The following HYDIN variants were observed in gnomAD, a reference collection of about 807,000 sequenced individuals.
HYDIN encodes the protein axonemal central pair apparatus protein HYDIN.
HYDIN carries 132 observed loss-of-function variants against 403.9 expected under a neutral mutation model. The ratio of observed to expected loss-of-function variants is 0.33; its 90% CI spans 0.28 to 0.38. The LOEUF (loss-of-function observed/expected upper bound fraction) is 0.38, where lower values mean the gene tolerates loss of function less well. Among genes scored for constraint, HYDIN ranks in the 10% least tolerant of loss-of-function variants. HYDIN has a pLI of 1.00. For missense variants in HYDIN, 2,827 were observed against 5,009.5 expected (o/e 0.56, Z 13.15); for synonymous variants, 1,202 against 1,891.7 (o/e 0.64, Z 9.46).
rs202133666 is a variant in HYDIN, at chr16:70,833,952, G to C, written c.13614C>G (p.Pro4538=). The change falls in exon 79 of 86, where the codon CCC becomes CCG. Residue 4538 remains proline (P), a synonymous_variant. Transcript: ENST00000393567. ...GTGTGGCTTGCGTCTGATACACCACGGGTCCAAAGGGAATATGTTCCTGGT... is the reference window on the plus strand; with the variant it reads ...GTGTGGCTTGCGTCTGATACACCACCGGTCCAAAGGGAATATGTTCCTGGT... ...SLDQEHIPFG[P]VVYQTQATRR... 5.3e-3 allele frequency: 8,518 copies of C among 1,613,252 alleles called. 27 individuals are homozygous for C. The highest frequency in any genetic ancestry group is 6.2e-3 in the Non-Finnish European group (7,262 of 1,179,720).
intron 84 of HYDIN, among the ~76,000 whole-genome samples, chr16:70,812,393 G>T (rs113536828): frequency 0.01 from 1,531 of 152,230 alleles, 13 homozygotes; most frequent in Middle Eastern, 0.085. Context: ...GGAGGTTGAG[G>T]CATGAGAATC....
chr16:70,933,681 G>T (rs894633665), intron 45 of HYDIN: 3 of 154,828 alleles, frequency 1.9e-5, no homozygotes, highest in Non-Finnish European at 2.9e-5. Context: ...TCTATTCACA[G>T]TTCCCAGCAG....
chr16:71,037,405 G>T (rs889476984), intron 18 of HYDIN, among the ~76,000 whole-genome samples: 1 of 151,740 alleles, frequency 6.6e-6, no homozygotes, highest in Non-Finnish European at 1.5e-5. Flanking sequence ...GTTGTGACAG[G>T]CAGAATTCTA....
At chr16:71,052,474 AT>A (rs898201543) in intron 18 of HYDIN, among the ~76,000 whole-genome samples, 1 of 151,818 alleles carries the variant, frequency 6.6e-6, no homozygotes, top group African/African-American at 2.4e-5. Context: ...AGATAAAAAA[AT>A]AAACTTAGCT....
At position 70,803,170 on chromosome 16, in the gene HYDIN, T is replaced by TA. The variant is rs2034966830; in HGVS notation, c.*4409dup. 6.6e-6 allele frequency among the ~76,000 whole-genome samples: 1 copy of TA among 152,222 alleles called. No individual in the cohort carries two copies. Among genetic ancestry groups the TA allele is most frequent in the African/African-American group, 2.4e-5 (1 of 41,466 alleles). On this transcript the variant is annotated 3_prime_UTR_variant, in exon 86 of 86. Coordinates refer to ENST00000393567, the MANE Select transcript of HYDIN (RefSeq NM_001270974.2). Reference sequence around the variant, plus strand: ...TTCAAACAATAAGGAATTTTTTTTTTACCAGAAGTATTCTTTTCTCCTGAA... The same window carrying TA: ...TTCAAACAATAAGGAATTTTTTTTTTAACCAGAAGTATTCTTTTCTCCTGAA...
chr16:71,100,045 G>C (rs1228333121), intron 10 of HYDIN, among the ~76,000 whole-genome samples: 2 of 151,906 alleles, frequency 1.3e-5, no homozygotes, highest in African/African-American at 4.8e-5. Context: ...GTAAGATTCA[G>C]GATTAGCAAA....
rs1252187518 is a variant in HYDIN at position 70,805,435 on chromosome 16, G to C, written c.*2145C>G. 1.3e-5 allele frequency among the ~76,000 whole-genome samples: 2 copies of C among 152,178 alleles called. No homozygotes were observed. The highest frequency in any genetic ancestry group is 2.4e-5 in the African/African-American group (1 of 41,430). ...CCAGGAGGCTCGAGGCTTTAGAGTC[G>C]TGGTTCTCACAGTCTGATTGGTCTC... On this transcript the variant is annotated 3_prime_UTR_variant, in exon 86 of 86. Transcript: ENST00000393567.
chr16:71,221,390 T>C (rs1464289843), intron 1 of HYDIN, among the ~76,000 whole-genome samples: 2 of 152,020 alleles, frequency 1.3e-5, no homozygotes, highest in African/African-American at 2.4e-5. Flanking sequence ...CCTGGACAGG[T>C]AGTTCCCTGA....
intron 4 of HYDIN, among the ~76,000 whole-genome samples, chr16:71,176,841 A>G (rs146428917): frequency 4.6e-5 from 7 of 152,350 alleles, no homozygotes; most frequent in Middle Eastern, 3.4e-3. Flanking sequence ...AGGGACGGAG[A>G]CACAAAAGTA....
At chr16:71,116,230 CT>C (rs3051996) in intron 9 of HYDIN, among the ~76,000 whole-genome samples, 2,215 of 97,806 alleles carry the variant, frequency 0.023, 11 homozygotes, top group Non-Finnish European at 0.027. Flanking sequence ...TGAGTTAGAC[CT>C]TTTTTTTTTT....
intron 16 of HYDIN, among the ~76,000 whole-genome samples, chr16:71,064,033 T>C (rs1324759761): frequency 1.6e-5 from 2 of 128,002 alleles, no homozygotes; most frequent in East Asian, 2.0e-4. Flanking sequence ...TAAACCCCCA[T>C]ATGACATTTT....
Position 70,860,196 on chromosome 16 carries a change from T to C in HYDIN, c.12001A>G (p.Ile4001Val). 1 of 1,613,930 alleles carries C rather than the reference T, an allele frequency of 6.2e-7. No homozygotes were observed. Among genetic ancestry groups the C allele is most frequent in the Non-Finnish European group, 8.5e-7 (1 of 1,179,944 alleles). The change falls in exon 71 of 86, where the codon ATC (isoleucine) becomes GTC (valine). Residue 4001 changes from isoleucine (I) to valine (V), a missense_variant. By Grantham distance (29) the Ile-to-Val change is conservative (BLOSUM62 3). Coordinates refer to ENST00000393567, the MANE Select transcript of HYDIN (RefSeq NM_001270974.2). ...TAGGTGCTATTGGTTGGGTTTAGGA[T>C]GGTAAAGGTCCTGGCCAGGGTGGAG... Reference protein sequence around the residue: ...IGGKNLRTFTILNPTNSTYSF... With the variant: ...IGGKNLRTFTVLNPTNSTYSF...
In HYDIN at chr16:70,902,821, ATTTT is replaced by A. The variant is rs60618592; in HGVS notation, c.8849+800_8849+803del. 4.1e-3 allele frequency among the ~76,000 whole-genome samples: 192 copies of A among 47,142 alleles called. 4 individuals carry two copies. Among genetic ancestry groups the A allele is most frequent in the African/African-American group, 9.8e-3 (83 of 8,476 alleles). The allele number at this position is 47,142 out of a possible 152,430, so 30.9% of individuals were successfully genotyped here. ...TATATATATATATATATATATATAT[ATTTT>A]TTTTTTTTTTTTTGTCCCACTCTCT... On this transcript the variant is annotated intron_variant, in intron 52 of 85. Transcript: ENST00000393567.
chr16:71,156,189 T>C (rs1207483981), intron 6 of HYDIN, among the ~76,000 whole-genome samples: 1 of 152,144 alleles, frequency 6.6e-6, no homozygotes, highest in Non-Finnish European at 1.5e-5. Flanking sequence ...GTATCCCATC[T>C]GTACGACCTC....
intron 1 of HYDIN, among the ~76,000 whole-genome samples, chr16:71,202,056 A>G (rs2088046351): frequency 6.6e-6 from 1 of 152,250 alleles, no homozygotes; most frequent in Non-Finnish European, 1.5e-5. Context: ...TTACTAAAAT[A>G]TAATAACTTC....
chr16:71,149,599 T>C (rs2085456758), intron 7 of HYDIN, among the ~76,000 whole-genome samples: 1 of 152,160 alleles, frequency 6.6e-6, no homozygotes, highest in African/African-American at 2.4e-5. Context: ...CAATCTCTGC[T>C]CACTATAACC....
intron 5 of HYDIN, among the ~76,000 whole-genome samples, 179 bp downstream of exon 5, chr16:71,175,428 C>T (rs2086631675): frequency 6.6e-6 from 1 of 151,924 alleles, no homozygotes; most frequent in Admixed American, 6.6e-5. Context: ...TACCCACCAC[C>T]CTCCAGCACT....
At chr16:70,899,915 T>C (rs2076315637) in intron 53 of HYDIN, among the ~76,000 whole-genome samples, 2 of 151,254 alleles carry the variant, frequency 1.3e-5, no homozygotes, top group Non-Finnish European at 2.9e-5. Flanking sequence ...AGCCAATGAT[T>C]GAGGGCGAGG....
At chr16:71,075,543 T>C in intron 13 of HYDIN, among the ~76,000 whole-genome samples, 1 of 152,184 alleles carries the variant, frequency 6.6e-6, no homozygotes, top group East Asian at 1.9e-4. Flanking sequence ...GTTATCAATG[T>C]CATTGTTTTG....
Sources: gnomAD v4.1 joint callset for allele counts (sites outside exome capture counted in the v4.1 genomes callset) on GRCh38, gnomAD v4.1.1 for gene constraint, MANE v1.5 for transcripts, NCBI Gene and HGNC (gene_info 2026-07-23, HGNC 2026-07-21) for gene names.